The following SLC24A2 variants were observed in gnomAD, a reference collection of about 807,000 sequenced individuals.
SLC24A2 encodes the protein sodium/potassium/calcium exchanger 2.
In SLC24A2, 36 loss-of-function variants were observed where a neutral mutation model predicts 62.0. That is an observed-to-expected ratio of 0.58 (90% CI 0.44 to 0.77). The LOEUF (loss-of-function observed/expected upper bound fraction) is 0.77. Ranked by LOEUF, SLC24A2 falls within the 30% of genes least tolerant of loss-of-function variation. The pLI, the probability that SLC24A2 is intolerant of heterozygous loss-of-function variation, is 0.00. For synonymous variants in SLC24A2, 358 were observed against 294.0 expected (o/e 1.22, Z -2.23); for missense variants, 846 against 817.9 (o/e 1.03, Z -0.42).
At chr9:20,271,833 T>C in the SLC24A2 span, among the ~76,000 whole-genome samples, 2 of 152,172 alleles carry the variant, frequency 1.3e-5, no homozygotes, top group African/African-American at 4.8e-5. Context: ...GAAATTCAAC[T>C]AAAAAATAAA....
At chr9:19,530,320 T>G (rs974401168) in intron 8 of SLC24A2, among the ~76,000 whole-genome samples, 6 of 152,104 alleles carry the variant, frequency 3.9e-5, no homozygotes, top group African/African-American at 7.2e-5. Context: ...CGTGTGTGAT[T>G]AGAGCCCCAA....
the SLC24A2 span, among the ~76,000 whole-genome samples, chr9:20,294,243 C>T: frequency 6.6e-6 from 1 of 152,100 alleles, no homozygotes; most frequent in East Asian, 1.9e-4. Flanking sequence ...ACCCTCTTTC[C>T]TGAATGCAGA....
At chr9:19,896,109 C>T in the SLC24A2 span, 102 of 592,554 alleles carry the variant, frequency 1.7e-4, no homozygotes, top group Non-Finnish European at 1.9e-4. Flanking sequence ...CTACTTCCGC[C>T]CTCCTGGACA....
chr9:19,691,688 T>C (rs951245587), intron 2 of SLC24A2, among the ~76,000 whole-genome samples: 2 of 152,294 alleles, frequency 1.3e-5, no homozygotes, highest in African/African-American at 4.8e-5. Context: ...CTAGTATATG[T>C]TAAAATAAGC....
intron 2 of SLC24A2, among the ~76,000 whole-genome samples, chr9:19,763,702 G>A (rs751975761): frequency 2.0e-5 from 3 of 152,174 alleles, no homozygotes; most frequent in African/African-American, 7.2e-5. Context: ...TGTGCTGCTG[G>A]ATTCGGTTTG....
the SLC24A2 span, among the ~76,000 whole-genome samples, chr9:20,159,967 T>A: frequency 1.3e-5 from 2 of 151,560 alleles, no homozygotes; most frequent in African/African-American, 4.8e-5. Flanking sequence ...TAAGTGTGGA[T>A]AGGCTTACCT....
intron 5 of SLC24A2, among the ~76,000 whole-genome samples, chr9:19,582,536 A>C (rs569502685): frequency 6.6e-6 from 1 of 152,358 alleles, no homozygotes; most frequent in African/African-American, 2.4e-5. Flanking sequence ...AGGAAAAAAT[A>C]ACACAGGAGG....
At chr9:19,926,405 C>G in the SLC24A2 span, 2 of 152,182 alleles carry the variant, frequency 1.3e-5, no homozygotes, top group African/African-American at 4.8e-5. Flanking sequence ...TTGGGATGAC[C>G]CTGGCTCTCC....
chr9:19,795,283 C>G, the SLC24A2 span, among the ~76,000 whole-genome samples: 1 of 145,112 alleles, frequency 6.9e-6, no homozygotes, highest in Non-Finnish European at 1.5e-5. Context: ...ACCCCCACCC[C>G]CGGCCCAATG....
chr9:20,003,524 T>C, the SLC24A2 span, among the ~76,000 whole-genome samples: 1 of 152,144 alleles, frequency 6.6e-6, no homozygotes, highest in African/African-American at 2.4e-5. Context: ...ACCCTCATAT[T>C]CCTTGAGGTA....
At chr9:20,268,974 C>A in the SLC24A2 span, among the ~76,000 whole-genome samples, 1 of 152,176 alleles carries the variant, frequency 6.6e-6, no homozygotes, top group Non-Finnish European at 1.5e-5. Flanking sequence ...CCACTATGGA[C>A]CCCTTTTGCA....
chr9:20,258,227 C>T, the SLC24A2 span, among the ~76,000 whole-genome samples: 1 of 152,174 alleles, frequency 6.6e-6, no homozygotes, highest in Non-Finnish European at 1.5e-5. Context: ...TGGCTGTTAA[C>T]TTGACCAGAT....
At chr9:19,778,978 A>C (rs57131037) in intron 2 of SLC24A2, among the ~76,000 whole-genome samples, 3,973 of 152,318 alleles carry the variant, frequency 0.026, 176 homozygotes, top group African/African-American at 0.088. Flanking sequence ...AAAGAGCCAC[A>C]TAAGACTTGT....
chr9:19,742,768 C>T (rs187415837), intron 2 of SLC24A2, among the ~76,000 whole-genome samples: 2 of 152,284 alleles, frequency 1.3e-5, no homozygotes, highest in East Asian at 1.9e-4. Context: ...GAACTATCCC[C>T]TACCTCCACA....
the SLC24A2 span, among the ~76,000 whole-genome samples, chr9:20,042,556 C>A: frequency 6.6e-6 from 1 of 152,128 alleles, no homozygotes; most frequent in Non-Finnish European, 1.5e-5. Context: ...AGGACATGGC[C>A]TTCCTTCTGG....
At position 19,787,050 on chromosome 9, in the gene SLC24A2, A is replaced by T. The variant is rs1026574420; in HGVS notation, c.-153-31T>A. The T allele has an allele frequency of 4.4e-6, 6 of 1,348,348 alleles. No homozygotes were observed. The South Asian group carries it at 5.8e-5, about 13-fold the overall frequency. The allele number at this position is 1,348,348 out of a possible 1,614,324, so 83.5% of individuals were successfully genotyped here. A position where few individuals can be genotyped will look rare whatever the true frequency, so the allele number is the denominator to read the frequency against. On this transcript the variant is annotated intron_variant, in intron 1 of 10. Coordinates refer to ENST00000341998, the MANE Select transcript of SLC24A2 (RefSeq NM_020344.4). Reference sequence around the variant, plus strand: ...ATAAAAATAAAAACGAGAATAAGTAAATCATAAAATCACGTCTTTTTAATA... The same window carrying T: ...ATAAAAATAAAAACGAGAATAAGTATATCATAAAATCACGTCTTTTTAATA...
At chr9:20,042,022 G>A in the SLC24A2 span, among the ~76,000 whole-genome samples, 3 of 152,230 alleles carry the variant, frequency 2.0e-5, no homozygotes, top group Non-Finnish European at 4.4e-5. Flanking sequence ...TGGCACCTGT[G>A]GTGGGGAGCC....
At chr9:19,831,359 T>C in the SLC24A2 span, among the ~76,000 whole-genome samples, 2 of 152,212 alleles carry the variant, frequency 1.3e-5, no homozygotes, top group Non-Finnish European at 1.5e-5. Context: ...TAAAGTCCAC[T>C]GTTTTTTATA....
At chr9:19,598,443 A>G (rs1457155549) in intron 4 of SLC24A2, among the ~76,000 whole-genome samples, 4 of 152,156 alleles carry the variant, frequency 2.6e-5, no homozygotes, top group African/African-American at 9.7e-5. Context: ...TCATTTACAC[A>G]TTTTTTCATG....
Sources: allele counts gnomAD v4.1 joint callset (sites outside exome capture counted in the v4.1 genomes callset), GRCh38; gene constraint gnomAD v4.1.1; transcripts MANE v1.5; gene names NCBI Gene and HGNC (gene_info 2026-07-23, HGNC 2026-07-21).